The following RAB3GAP2 variants were observed in gnomAD, a reference collection of about 807,000 sequenced individuals.
RAB3GAP2 encodes rab3 GTPase-activating protein non-catalytic subunit.
RAB3GAP2 carries 87 observed loss-of-function variants against 185.3 expected under a neutral mutation model. The ratio of observed to expected loss-of-function variants is 0.47; its 90% CI spans 0.39 to 0.56. The LOEUF (loss-of-function observed/expected upper bound fraction) is 0.56. Ranked by LOEUF, RAB3GAP2 falls within the 20% of genes least tolerant of loss-of-function variation. The probability of loss-of-function intolerance (pLI) is 0.00; values close to 1 mark genes in which losing one functional copy is unlikely to be tolerated. For missense variants in RAB3GAP2, 1,492 were observed against 1,638.2 expected, an observed-to-expected ratio of 0.91 and a Z score of 1.54; for synonymous variants, 554 against 576.1, an observed-to-expected ratio of 0.96 and a Z score of 0.55.
At chr1:220,197,716 T>C (rs1336528419) in intron 9 of RAB3GAP2, among the ~76,000 whole-genome samples, 1 of 152,178 alleles carries the variant, frequency 6.6e-6, no homozygotes, top group Non-Finnish European at 1.5e-5. Context: ...CCATGCAATA[T>C]ACATGGGAGT....
At chr1:220,257,111 G>C (rs980932182) in intron 1 of RAB3GAP2, among the ~76,000 whole-genome samples, 7 of 152,226 alleles carry the variant, frequency 4.6e-5, no homozygotes, top group African/African-American at 1.7e-4. Flanking sequence ...GGGCGTCGTG[G>C]CTCATGCCTG....
chr1:220,232,429 T>C (rs1329030052), intron 2 of RAB3GAP2, among the ~76,000 whole-genome samples: 1 of 152,146 alleles, frequency 6.6e-6, no homozygotes, highest in Non-Finnish European at 1.5e-5. Flanking sequence ...CCTCCCACCC[T>C]CTCCACCAGC....
intron 1 of RAB3GAP2, chr1:220,266,736 G>C (rs546730657): frequency 6.3e-7 from 1 of 1,585,220 alleles, no homozygotes; most frequent in East Asian, 2.2e-5. Context: ...TCTTTGTTTT[G>C]GCAATTTGAT....
intron 26 of RAB3GAP2, among the ~76,000 whole-genome samples, chr1:220,165,282 T>C (rs1432074210): frequency 6.6e-6 from 1 of 150,706 alleles, no homozygotes; most frequent in Non-Finnish European, 1.5e-5. Context: ...GAGGGACCTA[T>C]ATAATAAACA....
intron 1 of RAB3GAP2, among the ~76,000 whole-genome samples, chr1:220,251,020 T>C (rs1659921694): frequency 6.6e-6 from 1 of 152,162 alleles, no homozygotes; most frequent in Non-Finnish European, 1.5e-5. Flanking sequence ...CTGTCTCTAC[T>C]AAGCATTAAA....
At chr1:220,237,162 G>A (rs1659609393) in intron 1 of RAB3GAP2, among the ~76,000 whole-genome samples, 1 of 152,178 alleles carries the variant, frequency 6.6e-6, no homozygotes, top group Non-Finnish European at 1.5e-5. Context: ...CACCAGGACA[G>A]CCAACTTCTT....
intron 14 of RAB3GAP2, 73 bp from the exon 15 acceptor site, chr1:220,190,593 G>T: frequency 6.9e-7 from 1 of 1,452,286 alleles, no homozygotes; most frequent in Non-Finnish European, 9.6e-7. Context: ...TTTTATTATA[G>T]CTAGGAAACC....
At chr1:220,190,178 A>C (rs765061196) in intron 15 of RAB3GAP2, 32 bp from the exon 16 acceptor site, 1 of 1,575,602 alleles carries the variant, frequency 6.3e-7, no homozygotes, top group Non-Finnish European at 8.7e-7. Flanking sequence ...ATTATTACAG[A>C]ATGTGAAATT....
intron 12 of RAB3GAP2, 65 bp from the exon 13 acceptor site, chr1:220,193,444 A>C: frequency 6.7e-7 from 1 of 1,483,280 alleles, no homozygotes; most frequent in Non-Finnish European, 9.3e-7. Flanking sequence ...TAACAGAATA[A>C]CGAAATGCAT....
intron 1 of RAB3GAP2, among the ~76,000 whole-genome samples, chr1:220,259,705 CCAAAAGCAATTGCAA>C (rs1431720900): frequency 6.6e-6 from 1 of 151,994 alleles, no homozygotes; most frequent in African/African-American, 2.4e-5. Flanking sequence ...GATGAAAATG[CCAAAAGCAATTGCAA>C]CAAAAGCAAA....
chr1:220,222,100 C>A (rs1388835580), intron 2 of RAB3GAP2, among the ~76,000 whole-genome samples: 1 of 152,136 alleles, frequency 6.6e-6, no homozygotes, highest in Non-Finnish European at 1.5e-5. Flanking sequence ...TCTGCCTAAG[C>A]CATAGAAATA....
chr1:220,212,101 C>T (rs4351641), intron 4 of RAB3GAP2, among the ~76,000 whole-genome samples: 36,192 of 152,030 alleles, frequency 0.24, 4,565 homozygotes, highest in East Asian at 0.34. Context: ...TGTCACCATA[C>T]TGGATATCAT....
At chr1:220,153,836 G>A in intron 32 of RAB3GAP2, 132 bp downstream of exon 32, 1 of 1,261,468 alleles carries the variant, frequency 7.9e-7, no homozygotes, top group Non-Finnish European at 1.1e-6. Context: ...CCACCTATGA[G>A]TGAGAACATG....
chr1:220,154,619 CACA>C (rs1255651534), intron 31 of RAB3GAP2, among the ~76,000 whole-genome samples: 1 of 151,862 alleles, frequency 6.6e-6, no homozygotes, highest in Non-Finnish European at 1.5e-5. Context: ...ATTACTGACC[CACA>C]ACAACTGTGA....
chr1:220,171,186 T>G, intron 23 of RAB3GAP2, 66 bp from the exon 24 acceptor site: 1 of 1,426,802 alleles, frequency 7.0e-7, no homozygotes, highest in Non-Finnish European at 9.9e-7. Flanking sequence ...TGAATGAGCT[T>G]TTAACTTGAA....
rs774648728 is a variant in RAB3GAP2, at chr1:220,182,816, T to C, written c.2114A>G (p.Asp705Gly). 108 of 1,613,538 alleles carry C rather than the reference T, an allele frequency of 6.7e-5. No homozygotes were observed. In the South Asian group the frequency reaches 1.1e-3, roughly 16 times the overall value. ...GAATGTTTTTACAGGCAACACACCA[T>C]CTTTATCATCAGAAAATCGAACATT... ...RTNVRFSDDKDGVLPVKTFLE... is the reference protein window; with the variant it reads ...RTNVRFSDDKGGVLPVKTFLE... Residue 705 changes from aspartate to glycine, a missense_variant, in exon 20 of 35, where the codon GAT (aspartate) becomes GGT (glycine). Coordinates refer to ENST00000358951, the MANE Select transcript of RAB3GAP2 (RefSeq NM_012414.4).
intron 9 of RAB3GAP2, among the ~76,000 whole-genome samples, chr1:220,201,664 T>G (rs1426358081): frequency 6.6e-6 from 1 of 152,060 alleles, no homozygotes; most frequent in African/African-American, 2.4e-5. Flanking sequence ...CACACCTGGC[T>G]AATTTTTGTA....
intron 1 of RAB3GAP2, among the ~76,000 whole-genome samples, chr1:220,242,531 A>G (rs1450984433): frequency 6.6e-6 from 1 of 152,198 alleles, no homozygotes. Context: ...CGTGCAATTA[A>G]TACAGATACA....
At chr1:220,258,383 T>C (rs1050003037) in intron 1 of RAB3GAP2, among the ~76,000 whole-genome samples, 3 of 152,104 alleles carry the variant, frequency 2.0e-5, no homozygotes, top group Non-Finnish European at 4.4e-5. Flanking sequence ...AATGCTTATC[T>C]ACCACAATCA....
Sources: allele counts gnomAD v4.1 joint callset (sites outside exome capture counted in the v4.1 genomes callset), GRCh38; gene constraint gnomAD v4.1.1; transcripts MANE v1.5; gene names NCBI Gene and HGNC (gene_info 2026-07-23, HGNC 2026-07-21).